SRBD1: variants seen among roughly 807,000 people sequenced by gnomAD.
The protein encoded by SRBD1 is S1 RNA-binding domain-containing protein 1.
SRBD1 carries 88 observed loss-of-function variants against 115.3 expected under a neutral mutation model. The ratio of observed to expected loss-of-function variants is 0.76; its 90% CI spans 0.64 to 0.91. The LOEUF is 0.91. Ranked by LOEUF, SRBD1 falls within the 40% of genes least tolerant of loss-of-function variation. SRBD1 has a pLI of 0.00. For synonymous variants in SRBD1, 509 were observed against 407.7 expected, an observed-to-expected ratio of 1.25 and a Z score of -2.99; for missense variants, 1,385 against 1,177.4, an observed-to-expected ratio of 1.18 and a Z score of -2.58.
chr2:45,597,831 C>T (rs1201016377), intron 4 of SRBD1, among the ~76,000 whole-genome samples: 2 of 152,192 alleles, frequency 1.3e-5, no homozygotes, highest in Non-Finnish European at 2.9e-5. Context: ...TTCTACATCT[C>T]TTTCCCTGTA....
At chr2:45,488,121 T>A in intron 15 of SRBD1, 119 bp downstream of exon 15, 1 of 771,744 alleles carries the variant, frequency 1.3e-6, no homozygotes. Context: ...AATATGCCAA[T>A]TCTTATGCAT....
intron 14 of SRBD1, among the ~76,000 whole-genome samples, chr2:45,540,447 ATC>A (rs1230193577): frequency 6.6e-6 from 1 of 152,182 alleles, no homozygotes; most frequent in Non-Finnish European, 1.5e-5. Context: ...ACAGAAGAAA[ATC>A]ACAGTAACCT....
chr2:45,514,739 T>A (rs1671070396), intron 14 of SRBD1, among the ~76,000 whole-genome samples: 1 of 152,142 alleles, frequency 6.6e-6, no homozygotes, highest in African/African-American at 2.4e-5. Flanking sequence ...TCAGTCAGGA[T>A]TTCCAGAGGA....
intron 6 of SRBD1, among the ~76,000 whole-genome samples, chr2:45,580,873 C>A (rs562193883): frequency 6.6e-6 from 1 of 150,770 alleles, no homozygotes; most frequent in South Asian, 2.1e-4. Flanking sequence ...TTAGTAGAGA[C>A]GGGGTTTCAC....
intron 16 of SRBD1, among the ~76,000 whole-genome samples, chr2:45,443,332 T>A (rs961776799): frequency 6.6e-6 from 1 of 152,132 alleles, no homozygotes; most frequent in Non-Finnish European, 1.5e-5. Flanking sequence ...GAATAAAGAA[T>A]CTTAATAACA....
chr2:45,413,000 G>A, intron 19 of SRBD1, 114 bp downstream of exon 19: 2 of 1,206,426 alleles, frequency 1.7e-6, no homozygotes, highest in Non-Finnish European at 2.3e-6. Context: ...TCTGAAAAAT[G>A]TTGTCACATT....
intron 16 of SRBD1, among the ~76,000 whole-genome samples, chr2:45,422,131 G>T (rs183038133): frequency 2.4e-4 from 36 of 152,034 alleles, no homozygotes; most frequent in African/African-American, 8.2e-4. Flanking sequence ...CAAACAAACC[G>T]GAAAAAGGAA....
chr2:45,481,291 A>T (rs1329933050), intron 15 of SRBD1, among the ~76,000 whole-genome samples: 1 of 152,142 alleles, frequency 6.6e-6, no homozygotes, highest in Non-Finnish European at 1.5e-5. Context: ...TGCCGGCAAG[A>T]TAATCAAGAA....
chr2:45,454,377 G>C (rs1196037553), intron 16 of SRBD1, among the ~76,000 whole-genome samples: 1 of 151,728 alleles, frequency 6.6e-6, no homozygotes, highest in Non-Finnish European at 1.5e-5. Flanking sequence ...TATTCCCTTT[G>C]TGAGTAGAAG....
chr2:45,415,785 A>G, intron 18 of SRBD1, among the ~76,000 whole-genome samples: 1 of 71,100 alleles, frequency 1.4e-5, no homozygotes, highest in Non-Finnish European at 2.6e-5. Flanking sequence ...AGAGGAGAGG[A>G]GAGGAGAGGA....
intron 20 of SRBD1, among the ~76,000 whole-genome samples, chr2:45,392,480 A>G (rs1424564128): frequency 1.3e-5 from 2 of 152,256 alleles, no homozygotes; most frequent in African/African-American, 4.8e-5. Flanking sequence ...TTTAATTAGA[A>G]GGAAAATCAA....
At chr2:45,421,510 C>CAAAAAAAAAAAAA (rs869298079) in intron 16 of SRBD1, among the ~76,000 whole-genome samples, 6 of 22,304 alleles carry the variant, frequency 2.7e-4, no homozygotes, top group Admixed American at 7.2e-4. Flanking sequence ...CCGTCTCAAA[C>CAAAAAAAAAAAAA]AAAAAAAAAA....
At chr2:45,550,216 T>C (rs1044332662) in intron 12 of SRBD1, among the ~76,000 whole-genome samples, 2 of 151,136 alleles carry the variant, frequency 1.3e-5, no homozygotes, top group African/African-American at 4.9e-5. Context: ...CAACAGAAAA[T>C]AAACAAAAAG....
intron 9 of SRBD1, among the ~76,000 whole-genome samples, chr2:45,568,509 G>A (rs991144954): frequency 1.3e-5 from 2 of 152,108 alleles, no homozygotes; most frequent in Non-Finnish European, 2.9e-5. Context: ...TAAAAAGTTC[G>A]TAAAACAGCA....
At chr2:45,591,737 C>T (rs1046471232) in intron 4 of SRBD1, among the ~76,000 whole-genome samples, 5 of 152,170 alleles carry the variant, frequency 3.3e-5, no homozygotes, top group Non-Finnish European at 7.3e-5. Context: ...GATGGTTCAG[C>T]AATTATCACA....
chr2:45,389,744 C>T (rs746956802), intron 20 of SRBD1, 145 bp from the exon 21 acceptor site: 22 of 786,412 alleles, frequency 2.8e-5, no homozygotes, highest in Admixed American at 5.8e-5. Flanking sequence ...TGCAGACCAA[C>T]GCTTGCCTTC....
chr2:45,421,394 C>T (rs1485558356), intron 16 of SRBD1, among the ~76,000 whole-genome samples: 3 of 151,466 alleles, frequency 2.0e-5, no homozygotes, highest in Non-Finnish European at 2.9e-5. Context: ...GTAGTCCCAG[C>T]TACTCCAGAA....
intron 10 of SRBD1, among the ~76,000 whole-genome samples, chr2:45,554,930 T>G (rs1384365217): frequency 7.2e-5 from 11 of 152,140 alleles, no homozygotes; most frequent in Admixed American, 7.2e-4. Context: ...TCAGGTCCTG[T>G]GTACCAATGA....
intron 4 of SRBD1, among the ~76,000 whole-genome samples, chr2:45,586,633 A>T (rs1572810296): frequency 6.6e-6 from 1 of 151,598 alleles, no homozygotes; most frequent in African/African-American, 2.4e-5. Context: ...GCAACCTTGA[A>T]CTCGCAGGCT....
Sources: gnomAD v4.1 joint callset for allele counts (sites outside exome capture counted in the v4.1 genomes callset) on GRCh38, gnomAD v4.1.1 for gene constraint, MANE v1.5 for transcripts, NCBI Gene and HGNC (gene_info 2026-07-23, HGNC 2026-07-21) for gene names.